Variants in TNFAIP1 observed in about 807,000 individuals in gnomAD.
TNFAIP1 encodes BTB/POZ domain-containing adapter for CUL3-mediated RhoA degradation protein 2.
TNFAIP1 carries 20 observed loss-of-function variants against 32.6 expected under a neutral mutation model. That is an observed-to-expected ratio of 0.61 (90% CI 0.43 to 0.89). TNFAIP1 has a LOEUF of 0.89. Ranked by LOEUF, TNFAIP1 falls within the 40% of genes least tolerant of loss-of-function variation. The pLI is 0.00. For missense variants in TNFAIP1, 319 were observed against 425.1 expected, an observed-to-expected ratio of 0.75 and a Z score of 2.20; for synonymous variants, 166 against 166.8, an observed-to-expected ratio of 1.00 and a Z score of 0.04.
Position 28,342,573 on chromosome 17 carries a change from G to C in TNFAIP1, c.714+131G>C. On this transcript the variant is annotated intron_variant, in intron 6 of 6. Transcript: ENST00000226225. The surrounding 1 kb of genome is among the most constrained non-coding windows in gnomAD (Gnocchi z 4.0). ...TCTTTTTTCCAAACACGGTAATGGTGCTGGGCAAGGACAAGGCCAGAACAA... is the reference window on the plus strand; with the variant it reads ...TCTTTTTTCCAAACACGGTAATGGTCCTGGGCAAGGACAAGGCCAGAACAA... 4.4e-6 allele frequency: 4 copies of C among 899,188 alleles called. No individual in the cohort carries two copies. The highest frequency in any genetic ancestry group is 6.4e-6 in the Non-Finnish European group (4 of 624,202). The allele number at this position is 899,188 out of a possible 1,614,324, so 55.7% of individuals were successfully genotyped here.
At position 28,344,722 on chromosome 17, in the gene TNFAIP1, G is replaced by A. The variant is rs1597796096; in HGVS notation, c.*122G>A. On this transcript the variant is annotated 3_prime_UTR_variant, in exon 7 of 7. Transcript: ENST00000226225. ...GCTCTAGCACCCAGAGGCATGACAG[G>A]CCCTGCTCAGAGGTCAGAGGGTCTG... is the stretch of plus-strand genomic sequence containing the variant. The A allele has an allele frequency of 3.0e-6, 3 of 999,708 alleles. No individual in the cohort carries two copies. In the East Asian group the frequency reaches 7.6e-5, roughly 25 times the overall value. 61.9% of individuals were successfully genotyped at this position (999,708 alleles called of 1,614,324 possible).
At chr17:28,341,349 C>T (rs782539470) in intron 4 of TNFAIP1, 23 bp downstream of exon 4, 34 of 1,613,986 alleles carry the variant, frequency 2.1e-5, no homozygotes, top group South Asian at 1.2e-4. Context: ...CTGAGGGGTG[C>T]GGGCCGGGGA....
chr17:28,340,522 G>A lies in TNFAIP1; in HGVS notation c.375+44G>A, dbSNP rs148908484. The A allele has an allele frequency of 6.6e-3, 10,508 of 1,602,016 alleles. 51 individuals are homozygous for A. The highest frequency in any genetic ancestry group is 7.9e-3 in the Non-Finnish European group (9,294 of 1,171,822). On this transcript the variant is annotated intron_variant, in intron 3 of 6. Transcript: ENST00000226225. The surrounding 1 kb of genome is among the most constrained non-coding windows in gnomAD (Gnocchi z 4.1). ...GCAGGGCGGGCAGATGAGGTCAGGAGTTGCCCCCTTCTTGTGGGATGGAGG... is the reference window on the plus strand; with the variant it reads ...GCAGGGCGGGCAGATGAGGTCAGGAATTGCCCCCTTCTTGTGGGATGGAGG...
intron 6 of TNFAIP1, among the ~76,000 whole-genome samples, chr17:28,343,941 A>G (rs1053912412): frequency 2.6e-5 from 4 of 152,092 alleles, no homozygotes; most frequent in Non-Finnish European, 4.4e-5. Flanking sequence ...CTGTGTGCCA[A>G]TCTTCTGCTA....
At chr17:28,341,495 A>T (rs782476643) in intron 5 of TNFAIP1, 39 bp downstream of exon 5, 1 of 1,611,010 alleles carries the variant, frequency 6.2e-7, no homozygotes, top group South Asian at 1.1e-5. Context: ...ACTGGGCAGC[A>T]GACCCAAGGA....
At position 28,339,680 on chromosome 17, in the gene TNFAIP1, C is replaced by T. The variant is rs376658401; in HGVS notation, c.159C>T (p.Leu53=). ...CCCTGACCCGCCACGACACCATGCT[C>T]AAGGCCATGTTCAGTGGGCGCATGG... is the stretch of plus-strand genomic sequence containing the variant. ...VRALTRHDTM[L]KAMFSGRMEV... Residue 53 remains leucine, a synonymous_variant, in exon 2 of 7, where the codon CTC becomes CTT. Transcript: ENST00000226225. 142 of 1,613,994 alleles carry T rather than the reference C, an allele frequency of 8.8e-5. No homozygotes were observed. The highest frequency in any genetic ancestry group is 1.2e-4 in the Non-Finnish European group (141 of 1,180,036).
chr17:28,339,646 C>G lies in TNFAIP1; in HGVS notation c.125C>G (p.Thr42Ser). ...LNVGGSLYYT[T>S]VRALTRHDTM... Reference sequence around the variant, plus strand: ...GTGGGCGGCTCTCTGTACTACACCACTGTGCGGGCCCTGACCCGCCACGAC... The same window carrying G: ...GTGGGCGGCTCTCTGTACTACACCAGTGTGCGGGCCCTGACCCGCCACGAC... The change falls in exon 2 of 7, where the codon ACT becomes AGT. Residue 42 changes from threonine to serine, a missense_variant. Thr to Ser is a moderately conservative substitution (Grantham distance 58). Coordinates refer to ENST00000226225, the MANE Select transcript of TNFAIP1 (RefSeq NM_021137.5). 1 of 1,613,730 alleles carries G rather than the reference C, an allele frequency of 6.2e-7. No individual in the cohort carries two copies. The highest frequency in any genetic ancestry group is 8.5e-7 in the Non-Finnish European group (1 of 1,180,012).
Position 28,344,342 on chromosome 17 carries a change from CCTT to C in TNFAIP1, c.715-17_715-15del. ...CTCTTGAAGATGAAACCTTGCTCCA[CCTT>C]CTTCCTCCCTAACCCCAGGTGGAAT... On this transcript the variant is annotated intron_variant, in intron 6 of 6. Coordinates refer to ENST00000226225, the MANE Select transcript of TNFAIP1 (RefSeq NM_021137.5). 1 of 1,603,194 alleles carries C rather than the reference CCTT, an allele frequency of 6.2e-7. No homozygotes were observed. The highest frequency in any genetic ancestry group is 8.5e-7 in the Non-Finnish European group (1 of 1,171,160).
intron 1 of TNFAIP1, among the ~76,000 whole-genome samples, chr17:28,338,845 C>G (rs1455868307): frequency 6.6e-6 from 1 of 152,020 alleles, no homozygotes; most frequent in East Asian, 1.9e-4. Context: ...TTCCTCGCTG[C>G]CCTGAGTGGA....
chr17:28,337,245 T>C (rs1907208602), intron 1 of TNFAIP1, among the ~76,000 whole-genome samples: 1 of 152,180 alleles, frequency 6.6e-6, no homozygotes, highest in South Asian at 2.1e-4. Context: ...ACTCCCCTGC[T>C]TGCAACCCTC....
In TNFAIP1 at chr17:28,342,721, G is replaced by A. The variant is rs1555578388; in HGVS notation, c.714+279G>A. Among the ~76,000 whole-genome samples the A allele has an allele frequency of 6.6e-6, 1 of 152,208 alleles. No individual in the cohort carries two copies. Among genetic ancestry groups the A allele is most frequent in the African/African-American group, 2.4e-5 (1 of 41,458 alleles). On this transcript the variant is annotated intron_variant, in intron 6 of 6. Coordinates refer to ENST00000226225, the MANE Select transcript of TNFAIP1 (RefSeq NM_021137.5). The surrounding 1 kb of genome is among the most constrained non-coding windows in gnomAD (Gnocchi z 4.0). ...GGTCTTTGAAGTTGGCCCAATTCAG[G>A]TTTGAACGCTGGCTCACACCACTTG...
Position 28,340,467 on chromosome 17 carries a change from A to G in TNFAIP1, c.364A>G (p.Ser122Gly). ...CCAGGGGCTGGTGAATATGTGCCAG[A>G]GTGCCCTGCAGGTACATGGGTGGGG... The part of the protein sequence containing the change: ...LIQGLVNMCQ[S>G]ALQDKKDSYQ... Residue 122 changes from serine to glycine, a missense_variant, in exon 3 of 7, where the codon AGT becomes GGT. Physicochemically the swap from Ser to Gly is moderately conservative, Grantham distance 56 (BLOSUM62 0). Coordinates refer to ENST00000226225, the MANE Select transcript of TNFAIP1 (RefSeq NM_021137.5). The surrounding 1 kb of genome is among the most constrained non-coding windows in gnomAD (Gnocchi z 4.1). The G allele has an allele frequency of 6.2e-7, 1 of 1,604,066 alleles. No individual in the cohort carries two copies. Among genetic ancestry groups the G allele is most frequent in the Admixed American group, 1.7e-5 (1 of 59,708 alleles).
At position 28,342,379 on chromosome 17, in the gene TNFAIP1, C is replaced by A. The variant is rs3093686; in HGVS notation, c.651C>A (p.Gly217=). 7.6e-4 allele frequency: 1,213 copies of A among 1,605,872 alleles called. 8 individuals carry two copies. The African/African-American group carries it at 0.014, about 19-fold the overall frequency. The change falls in exon 6 of 7, where the codon GGC becomes GGA. Residue 217 remains glycine (G), a synonymous_variant. Transcript: ENST00000226225. The surrounding 1 kb of genome is among the most constrained non-coding windows in gnomAD (Gnocchi z 4.0). ...EICCWSFYGQ[G]RKLAEVCCTS... is the part of the protein sequence containing the mutation. ...GCTGCTGGTCCTTTTATGGCCAGGG[C>A]CGTAAGCTGGCAGAGGTGTGCTGTA...
At position 28,339,495 on chromosome 17, in the gene TNFAIP1, C is replaced by A. The variant is rs376989015; in HGVS notation, c.-27C>A. 1.9e-6 allele frequency: 3 copies of A among 1,568,108 alleles called. No homozygotes were observed. Among genetic ancestry groups the A allele is most frequent in the South Asian group, 2.4e-5 (2 of 82,688 alleles). On this transcript the variant is annotated 5_prime_UTR_variant, in exon 2 of 7. Transcript: ENST00000226225. Reference sequence around the variant, plus strand: ...GGAGCCTTCCAAGCCTACCTCCTGCCGTGTGGTGATCTACCTGCAGCGGGA... The same window carrying A: ...GGAGCCTTCCAAGCCTACCTCCTGCAGTGTGGTGATCTACCTGCAGCGGGA...
At chr17:28,344,096 G>C (rs1369514304) in intron 6 of TNFAIP1, among the ~76,000 whole-genome samples, 1 of 152,166 alleles carries the variant, frequency 6.6e-6, no homozygotes, top group African/African-American at 2.4e-5. Flanking sequence ...TTGGGACCTA[G>C]CTCTGGCCCA....
Position 28,342,409 on chromosome 17 carries a change from C to T in TNFAIP1, c.681C>T (p.Ser227=). ...GRKLAEVCCT[S]IVYATEKKQT... is the part of the protein sequence containing the mutation. ...AGCTGGCAGAGGTGTGCTGTACCTCCATCGTGTATGCCACGGAGAAGAAGC... is the reference window on the plus strand; with the variant it reads ...AGCTGGCAGAGGTGTGCTGTACCTCTATCGTGTATGCCACGGAGAAGAAGC... Residue 227 remains serine (S), a synonymous_variant, in exon 6 of 7, where the codon TCC becomes TCT. Transcript: ENST00000226225. The surrounding 1 kb of genome is among the most constrained non-coding windows in gnomAD (Gnocchi z 4.0). 1 of 1,591,834 alleles carries T rather than the reference C, an allele frequency of 6.3e-7. No homozygotes were observed. The highest frequency in any genetic ancestry group is 8.6e-7 in the Non-Finnish European group (1 of 1,161,234).
chr17:28,343,521 C>T (rs1320885862), intron 6 of TNFAIP1, among the ~76,000 whole-genome samples: 4 of 130,944 alleles, frequency 3.1e-5, no homozygotes, highest in Non-Finnish European at 4.8e-5. Flanking sequence ...CTGCTTCCTT[C>T]TGCGGTTTTT....
Position 28,339,483 on chromosome 17 carries a change from C to A in TNFAIP1, c.-39C>A. 6.5e-7 allele frequency: 1 copy of A among 1,547,530 alleles called. No individual in the cohort carries two copies. The highest frequency in any genetic ancestry group is 8.7e-7 in the Non-Finnish European group (1 of 1,147,474). On this transcript the variant is annotated 5_prime_UTR_variant, in exon 2 of 7. Coordinates refer to ENST00000226225, the MANE Select transcript of TNFAIP1 (RefSeq NM_021137.5). ...TTCCACCACGGCGGAGCCTTCCAAG[C>A]CTACCTCCTGCCGTGTGGTGATCTA...
Position 28,342,729 on chromosome 17 carries a change from G to A in TNFAIP1, c.714+287G>A, listed in dbSNP as rs373956140. Among the ~76,000 whole-genome samples the A allele has an allele frequency of 3.9e-5, 6 of 152,328 alleles. No homozygotes were observed. Among genetic ancestry groups the A allele is most frequent in the East Asian group, 3.9e-4 (2 of 5,192 alleles). On this transcript the variant is annotated intron_variant, in intron 6 of 6. Transcript: ENST00000226225. The surrounding 1 kb of genome is among the most constrained non-coding windows in gnomAD (Gnocchi z 4.0). ...AAGTTGGCCCAATTCAGGTTTGAAC[G>A]CTGGCTCACACCACTTGCCAGTTTT...
Sources: allele counts gnomAD v4.1 joint callset (sites outside exome capture counted in the v4.1 genomes callset), GRCh38; gene constraint gnomAD v4.1.1; non-coding constraint Gnocchi (gnomAD v3.1); transcripts MANE v1.5; gene names NCBI Gene and HGNC (gene_info 2026-07-23, HGNC 2026-07-21).